PRKCA: variants seen among roughly 807,000 people sequenced by gnomAD.
PRKCA encodes protein kinase C alpha, also known as protein kinase C alpha type.
A neutral mutation model predicts 87.0 loss-of-function variants in PRKCA; 27 were observed. The observed-to-expected ratio is 0.31, with a 90% CI of 0.23 to 0.43. PRKCA has a LOEUF of 0.43. Ranked by LOEUF, PRKCA falls within the 20% of genes least tolerant of loss-of-function variation. The probability of loss-of-function intolerance (pLI) is 1.00; values close to 1 mark genes in which losing one functional copy is unlikely to be tolerated. For missense variants in PRKCA, 518 were observed against 852.3 expected (o/e 0.61, Z 4.88); for synonymous variants, 329 against 311.1 (o/e 1.06, Z -0.61).
intron 2 of PRKCA, among the ~76,000 whole-genome samples, chr17:66,448,789 G>A (rs546299707): frequency 6.6e-6 from 1 of 151,584 alleles, no homozygotes; most frequent in African/African-American, 2.4e-5. Flanking sequence ...CCCTCAAAAT[G>A]TGCTTTAGAT....
At chr17:66,794,787 AT>A (rs1301028095) in intron 16 of PRKCA, among the ~76,000 whole-genome samples, 4 of 151,326 alleles carry the variant, frequency 2.6e-5, no homozygotes, top group Non-Finnish European at 4.4e-5. Flanking sequence ...TGCCTGGCTA[AT>A]TTTTTTTATA....
chr17:66,443,042 T>C (rs1159486445), intron 2 of PRKCA, among the ~76,000 whole-genome samples: 2 of 152,184 alleles, frequency 1.3e-5, no homozygotes, highest in African/African-American at 2.4e-5. Context: ...GCTACACACA[T>C]CATATCTCAT....
intron 8 of PRKCA, among the ~76,000 whole-genome samples, chr17:66,693,245 C>T (rs987570993): frequency 2.0e-5 from 3 of 152,214 alleles, no homozygotes; most frequent in African/African-American, 7.2e-5. Flanking sequence ...GCAGTTCATC[C>T]TCCTACAAGA....
chr17:66,372,905 A>G (rs1909199647), intron 2 of PRKCA, among the ~76,000 whole-genome samples: 1 of 152,028 alleles, frequency 6.6e-6, no homozygotes, highest in Non-Finnish European at 1.5e-5. Flanking sequence ...TAAAATACAA[A>G]AATTAGCCGG....
intron 2 of PRKCA, among the ~76,000 whole-genome samples, chr17:66,420,709 G>A (rs1313890724): frequency 6.6e-6 from 1 of 152,150 alleles, no homozygotes; most frequent in Non-Finnish European, 1.5e-5. Context: ...ACCCATTCTA[G>A]GTTGAGGAGC....
intron 10 of PRKCA, among the ~76,000 whole-genome samples, chr17:66,736,776 G>T (rs192076373): frequency 2.6e-4 from 40 of 152,330 alleles, no homozygotes; most frequent in Admixed American, 1.5e-3. Context: ...ATCGTGACAC[G>T]TGAAAATTAG....
chr17:66,340,381 T>C (rs61629232), intron 2 of PRKCA, among the ~76,000 whole-genome samples: 4,576 of 79,518 alleles, frequency 0.058, 65 homozygotes, highest in African/African-American at 0.15. Flanking sequence ...TTTTTTTTTC[T>C]TTTTTTTTTT....
intron 2 of PRKCA, among the ~76,000 whole-genome samples, chr17:66,409,053 AAAG>A (rs1022776328): frequency 2.0e-5 from 3 of 150,992 alleles, no homozygotes; most frequent in Admixed American, 6.6e-5. Flanking sequence ...AAAAAAAAAA[AAAG>A]AAGAAGAATA....
In PRKCA at chr17:66,742,230, C is replaced by T. The variant is rs181045202; in HGVS notation, c.1386-392C>T. On this transcript the variant is annotated intron_variant, in intron 12 of 16. Coordinates refer to ENST00000413366, the MANE Select transcript of PRKCA (RefSeq NM_002737.3). ...CAGAATGGAAGGGACATGTGTATGA[C>T]CCAGTGAAGTGGTTCTAAACCCGTG... Among the ~76,000 whole-genome samples, 90 of 152,308 alleles carry T rather than the reference C, an allele frequency of 5.9e-4. 1 individual carries two copies. Among genetic ancestry groups the T allele is most frequent in the Non-Finnish European group, 1.0e-3 (69 of 68,038 alleles).
intron 3 of PRKCA, among the ~76,000 whole-genome samples, chr17:66,587,932 T>TATATATA (rs1969673983): frequency 7.3e-6 from 1 of 136,190 alleles, no homozygotes; most frequent in Non-Finnish European, 1.6e-5. Context: ...TATATATATA[T>TATATATA]CCTGCAGTAG....
chr17:66,651,008 T>A (rs1476929914), intron 5 of PRKCA, among the ~76,000 whole-genome samples: 1 of 152,094 alleles, frequency 6.6e-6, no homozygotes, highest in Non-Finnish European at 1.5e-5. Flanking sequence ...GAAAAAGAAT[T>A]GGCGGGTGCT....
rs192567866 is a variant in PRKCA at position 66,541,468 on chromosome 17, T to C, written c.288+45185T>C. 3.9e-5 allele frequency among the ~76,000 whole-genome samples: 6 copies of C among 152,340 alleles called. No individual in the cohort carries two copies. In the East Asian group the frequency reaches 1.2e-3, roughly 29 times the overall value. ...TGCGGCAAAGAGCAGTTGACTGGGA[T>C]TGAAAGCTACTCTGCTGGTCTTGGA... On this transcript the variant is annotated intron_variant, in intron 3 of 16. Transcript: ENST00000413366.
chr17:66,473,702 A>C (rs1192016463), intron 2 of PRKCA, among the ~76,000 whole-genome samples: 4 of 152,204 alleles, frequency 2.6e-5, no homozygotes, highest in Non-Finnish European at 5.9e-5. Flanking sequence ...TGGGAGGCCG[A>C]GGTGGGTGAA....
intron 16 of PRKCA, among the ~76,000 whole-genome samples, chr17:66,800,457 A>G (rs1287246645): frequency 6.6e-6 from 1 of 152,222 alleles, no homozygotes; most frequent in African/African-American, 2.4e-5. Context: ...CTTTTTGAGC[A>G]GTGGGCACCC....
At chr17:66,526,006 A>G (rs1198211220) in intron 3 of PRKCA, among the ~76,000 whole-genome samples, 1 of 152,222 alleles carries the variant, frequency 6.6e-6, no homozygotes, top group East Asian at 1.9e-4. Context: ...ATGATATACC[A>G]TATGTTTAAA....
chr17:66,470,847 C>A (rs1013630568), intron 2 of PRKCA, among the ~76,000 whole-genome samples: 1 of 152,210 alleles, frequency 6.6e-6, no homozygotes, highest in African/African-American at 2.4e-5. Flanking sequence ...ATCTTCAAAT[C>A]GGCTTCCGCC....
At chr17:66,313,690 A>G (rs1223032401) in intron 2 of PRKCA, among the ~76,000 whole-genome samples, 1 of 152,352 alleles carries the variant, frequency 6.6e-6, no homozygotes, top group East Asian at 1.9e-4. Flanking sequence ...CTCAATCATC[A>G]TGCTCCAGAG....
chr17:66,566,480 G>GTTTTTTTT (rs56912157), intron 3 of PRKCA, among the ~76,000 whole-genome samples: 55 of 97,014 alleles, frequency 5.7e-4, no homozygotes, highest in African/African-American at 8.1e-4. Flanking sequence ...TTGTTTTTTG[G>GTTTTTTTT]TTTTTTTTTT....
At chr17:66,699,660 T>C (rs1973014369) in intron 8 of PRKCA, among the ~76,000 whole-genome samples, 1 of 152,198 alleles carries the variant, frequency 6.6e-6, no homozygotes, top group African/African-American at 2.4e-5. Flanking sequence ...CAATCATAGC[T>C]CACTGCAGCT....
Sources: gnomAD v4.1 joint callset for allele counts (sites outside exome capture counted in the v4.1 genomes callset) on GRCh38, gnomAD v4.1.1 for gene constraint, MANE v1.5 for transcripts, NCBI Gene and HGNC (gene_info 2026-07-23, HGNC 2026-07-21) for gene names.